The following TTLL11 variants were observed in gnomAD, a reference collection of about 807,000 sequenced individuals.
The protein encoded by TTLL11 is tubulin polyglutamylase TTLL11.
In TTLL11, 42 loss-of-function variants were observed where a neutral mutation model predicts 51.7. That is an observed-to-expected ratio of 0.81 (90% CI 0.64 to 1.05). The LOEUF is 1.05. Ranked by LOEUF, TTLL11 falls within the 50% of genes least tolerant of loss-of-function variation. The pLI is 0.00. For synonymous variants in TTLL11, 381 were observed against 383.5 expected (o/e 0.99, Z 0.08); for missense variants, 799 against 940.4 (o/e 0.85, Z 1.97).
At chr9:122,032,797 CTTT>C (rs11371856) in intron 2 of TTLL11, among the ~76,000 whole-genome samples, 1 of 138,606 alleles carries the variant, frequency 7.2e-6, no homozygotes. Context: ...TTCATTTTTT[CTTT>C]TTTTTTTTTT....
intron 6 of TTLL11, among the ~76,000 whole-genome samples, chr9:121,917,964 T>C (rs906556136): frequency 1.3e-5 from 2 of 149,028 alleles, no homozygotes; most frequent in African/African-American, 2.4e-5. Context: ...CTATAAAAAG[T>C]AGGCATTTTT....
intron 6 of TTLL11, among the ~76,000 whole-genome samples, chr9:121,895,142 G>C (rs1839408650): frequency 3.9e-5 from 6 of 152,114 alleles, no homozygotes; most frequent in Admixed American, 3.9e-4. Flanking sequence ...GTAACAATGA[G>C]CTTCCACACT....
chr9:122,031,208 A>C (rs1844529720), intron 3 of TTLL11, among the ~76,000 whole-genome samples: 2 of 152,250 alleles, frequency 1.3e-5, no homozygotes, highest in Admixed American at 1.3e-4. Context: ...TTACATGCTC[A>C]AACCTGGTGC....
At chr9:121,882,166 G>C (rs10116982) in intron 6 of TTLL11, among the ~76,000 whole-genome samples, 1 of 152,170 alleles carries the variant, frequency 6.6e-6, no homozygotes, top group Admixed American at 6.5e-5. Flanking sequence ...TCAAAGTCAC[G>C]TGCCTCCTAA....
chr9:121,984,209 A>T (rs1471890851), intron 4 of TTLL11, among the ~76,000 whole-genome samples: 6 of 152,166 alleles, frequency 3.9e-5, no homozygotes, highest in Non-Finnish European at 8.8e-5. Flanking sequence ...GATGGTTTTC[A>T]AACTATACTC....
intron 6 of TTLL11, among the ~76,000 whole-genome samples, chr9:121,929,073 T>G (rs1036140560): frequency 3.9e-5 from 6 of 152,102 alleles, no homozygotes; most frequent in Non-Finnish European, 8.8e-5. Context: ...TCAGACAACA[T>G]CAACCATCAA....
chr9:121,968,648 C>T (rs1455403721), intron 6 of TTLL11, among the ~76,000 whole-genome samples: 1 of 152,122 alleles, frequency 6.6e-6, no homozygotes, highest in Non-Finnish European at 1.5e-5. Context: ...CCTCTGCCTC[C>T]CGGGTTCAAG....
At chr9:121,888,984 G>C (rs1564289543) in intron 6 of TTLL11, among the ~76,000 whole-genome samples, 1 of 152,316 alleles carries the variant, frequency 6.6e-6, no homozygotes, top group Middle Eastern at 3.4e-3. Context: ...AGGACACATA[G>C]CTCCCAAATG....
At position 122,040,983 on chromosome 9, in the gene TTLL11, G is replaced by A. The variant is rs2131827844; in HGVS notation, c.463-1615C>T. ...AACCAGAATTAAGCAGGCTATCCGA[G>A]CAAAGGGTAAAGTGGCTTTGCTTTG... On this transcript the variant is annotated intron_variant, in intron 1 of 8. Transcript: ENST00000321582. 1.3e-5 allele frequency among the ~76,000 whole-genome samples: 2 copies of A among 152,316 alleles called. 1 individual carries two copies. Among genetic ancestry groups the A allele is most frequent in the Non-Finnish European group, 2.9e-5 (2 of 68,034 alleles).
chr9:121,927,298 G>C (rs1405093839), intron 6 of TTLL11, among the ~76,000 whole-genome samples: 1 of 151,168 alleles, frequency 6.6e-6, no homozygotes, highest in Non-Finnish European at 1.5e-5. Context: ...TGCGCTGTCT[G>C]TATCTATGTA....
chr9:122,060,982 C>T (rs1333403153), intron 1 of TTLL11, among the ~76,000 whole-genome samples: 1 of 152,130 alleles, frequency 6.6e-6, no homozygotes, highest in East Asian at 1.9e-4. Context: ...TCTGGAGACC[C>T]GACATCCAGG....
At chr9:121,897,618 GCA>G (rs745877337) in intron 6 of TTLL11, among the ~76,000 whole-genome samples, 54 of 136,842 alleles carry the variant, frequency 3.9e-4, no homozygotes, top group South Asian at 7.8e-4. Flanking sequence ...TTCCCTCCAG[GCA>G]CACACACACA....
intron 6 of TTLL11, among the ~76,000 whole-genome samples, chr9:121,883,924 G>A (rs1394255544): frequency 1.3e-5 from 2 of 152,200 alleles, no homozygotes; most frequent in African/African-American, 4.8e-5. Context: ...CTTCCTGGCT[G>A]ACTGACCTTG....
intron 1 of TTLL11, among the ~76,000 whole-genome samples, chr9:122,074,887 T>TAA (rs78518604): frequency 7.0e-6 from 1 of 143,134 alleles, no homozygotes. Context: ...CCTGGTCTCT[T>TAA]AAAAAAAAAA....
At chr9:121,973,192 A>G (rs1470472818) in intron 6 of TTLL11, among the ~76,000 whole-genome samples, 2 of 152,248 alleles carry the variant, frequency 1.3e-5, no homozygotes, top group African/African-American at 4.8e-5. Flanking sequence ...TATATCCACC[A>G]ACAGCGCAAT....
chr9:121,827,293 C>T (rs911987967), intron 8 of TTLL11, among the ~76,000 whole-genome samples: 26 of 152,108 alleles, frequency 1.7e-4, no homozygotes, highest in African/African-American at 6.3e-4. Flanking sequence ...CACACAGCCC[C>T]TCACCCCTCG....
chr9:122,015,807 C>CAAA (rs11297849), intron 3 of TTLL11, among the ~76,000 whole-genome samples: 6,435 of 93,546 alleles, frequency 0.069, 263 homozygotes, highest in African/African-American at 0.15. Context: ...TCAAAAGAGA[C>CAAA]AAAAAAAAAA....
At chr9:121,999,956 A>G (rs956483215) in intron 3 of TTLL11, among the ~76,000 whole-genome samples, 4 of 152,228 alleles carry the variant, frequency 2.6e-5, no homozygotes, top group Non-Finnish European at 4.4e-5. Flanking sequence ...CTTCAGGTCC[A>G]CATATCAGTT....
chr9:122,000,783 C>G (rs1843436759), intron 3 of TTLL11, among the ~76,000 whole-genome samples: 1 of 152,200 alleles, frequency 6.6e-6, no homozygotes, highest in Admixed American at 6.5e-5. Context: ...TGTCTACTTT[C>G]TTAATAAACT....
Sources: allele counts gnomAD v4.1 joint callset (sites outside exome capture counted in the v4.1 genomes callset), GRCh38; gene constraint gnomAD v4.1.1; transcripts MANE v1.5; gene names NCBI Gene and HGNC (gene_info 2026-07-23, HGNC 2026-07-21).